The following GPC6 variants were observed in gnomAD, a reference collection of about 807,000 sequenced individuals.
The protein encoded by GPC6 is glypican 6, also known as glypican-6.
A neutral mutation model predicts 55.2 loss-of-function variants in GPC6; 14 were observed. The ratio of observed to expected loss-of-function variants is 0.25; its 90% CI spans 0.17 to 0.40. The LOEUF is 0.40. Ranked by LOEUF, GPC6 falls within the 10% of genes least tolerant of loss-of-function variation. The pLI, the probability that GPC6 is intolerant of heterozygous loss-of-function variation, is 1.00. For missense variants in GPC6, 641 were observed against 708.5 expected, an observed-to-expected ratio of 0.90 and a Z score of 1.08; for synonymous variants, 278 against 259.6, an observed-to-expected ratio of 1.07 and a Z score of -0.68.
At chr13:93,417,017 C>T (rs1434235971) in intron 1 of GPC6, among the ~76,000 whole-genome samples, 1 of 152,084 alleles carries the variant, frequency 6.6e-6, no homozygotes, top group Non-Finnish European at 1.5e-5. Context: ...GGATTTGAAT[C>T]CTGGTGAGAA....
intron 4 of GPC6, among the ~76,000 whole-genome samples, chr13:94,264,963 A>G (rs929412495): frequency 6.6e-6 from 1 of 152,156 alleles, no homozygotes; most frequent in Non-Finnish European, 1.5e-5. Context: ...TCACTATCAC[A>G]AGAACGGTAT....
At chr13:93,786,741 A>T (rs568478933) in intron 2 of GPC6, among the ~76,000 whole-genome samples, 4 of 147,872 alleles carry the variant, frequency 2.7e-5, no homozygotes, top group Admixed American at 2.0e-4. Flanking sequence ...CTAAGCACCT[A>T]GAGTATATTT....
At chr13:93,708,929 G>A (rs1439100384) in intron 2 of GPC6, among the ~76,000 whole-genome samples, 1 of 151,692 alleles carries the variant, frequency 6.6e-6, no homozygotes, top group Admixed American at 6.6e-5. Context: ...TAAGCAAATT[G>A]CCCAAGCCAC....
chr13:94,016,646 A>T (rs923006918), intron 3 of GPC6, among the ~76,000 whole-genome samples: 1 of 152,216 alleles, frequency 6.6e-6, no homozygotes, highest in African/African-American at 2.4e-5. Flanking sequence ...CGGTGAATCT[A>T]TAAATTGCTT....
At chr13:94,045,366 A>C (rs143743866) in intron 4 of GPC6, among the ~76,000 whole-genome samples, 1 of 152,078 alleles carries the variant, frequency 6.6e-6, no homozygotes, top group Non-Finnish European at 1.5e-5. Flanking sequence ...ACGTTTATAT[A>C]ATTTAGTTTC....
At chr13:94,208,377 G>A (rs1487923869) in intron 4 of GPC6, among the ~76,000 whole-genome samples, 1 of 152,080 alleles carries the variant, frequency 6.6e-6, no homozygotes, top group African/African-American at 2.4e-5. Flanking sequence ...GTATCAGTAA[G>A]CACTCCATAA....
chr13:93,218,077 T>A, the GPC6 span, among the ~76,000 whole-genome samples: 30 of 150,422 alleles, frequency 2.0e-4, no homozygotes, highest in African/African-American at 7.1e-4. Flanking sequence ...TGGAAACAGA[T>A]CATTAGTACA....
chr13:93,670,968 T>G (rs1347297637), intron 2 of GPC6, among the ~76,000 whole-genome samples: 1 of 152,218 alleles, frequency 6.6e-6, no homozygotes, highest in Admixed American at 6.5e-5. Context: ...CTGCCTTGGC[T>G]TCTTCCTTTT....
chr13:93,462,000 A>G (rs376592247), intron 1 of GPC6, among the ~76,000 whole-genome samples: 2 of 152,118 alleles, frequency 1.3e-5, no homozygotes, highest in East Asian at 1.9e-4. Flanking sequence ...ATCTCATCCA[A>G]CCCACAAGCC....
At chr13:94,281,579 T>C (rs1453993453) in intron 4 of GPC6, among the ~76,000 whole-genome samples, 1 of 152,222 alleles carries the variant, frequency 6.6e-6, no homozygotes, top group Non-Finnish European at 1.5e-5. Context: ...TATAATCATA[T>C]TGAGTCACAC....
At position 93,242,760 on chromosome 13, in the gene GPC6, A is replaced by G. The variant is rs974476674; in HGVS notation, c.160+15144A>G. ...GCCTGCACTCTGTTTCTTTTGTCCC[A>G]CAGAGTGCTCCCTTGGTATGATGCA... On this transcript the variant is annotated intron_variant, in intron 1 of 8. Transcript: ENST00000377047. 6.6e-5 allele frequency among the ~76,000 whole-genome samples: 10 copies of G among 152,118 alleles called. No individual in the cohort carries two copies. In the South Asian group the frequency reaches 2.1e-3, roughly 32 times the overall value.
intron 1 of GPC6, among the ~76,000 whole-genome samples, chr13:93,322,378 G>A (rs562057588): frequency 6.7e-5 from 10 of 149,828 alleles, no homozygotes; most frequent in African/African-American, 1.7e-4. Flanking sequence ...AAGTGAGAAC[G>A]TGTGGTATTC....
At chr13:93,272,441 G>A (rs916333027) in intron 1 of GPC6, among the ~76,000 whole-genome samples, 1 of 148,708 alleles carries the variant, frequency 6.7e-6, no homozygotes, top group African/African-American at 2.5e-5. Flanking sequence ...AAAATTTTAA[G>A]CACTGAAATT....
intron 1 of GPC6, among the ~76,000 whole-genome samples, chr13:93,387,675 A>G (rs1875460323): frequency 6.6e-6 from 1 of 152,240 alleles, no homozygotes; most frequent in Non-Finnish European, 1.5e-5. Context: ...GACATTCAGT[A>G]AGAGAACATA....
chr13:94,257,158 A>G (rs1226442521), intron 4 of GPC6, among the ~76,000 whole-genome samples: 1 of 152,186 alleles, frequency 6.6e-6, no homozygotes, highest in Non-Finnish European at 1.5e-5. Context: ...CAGCTCCAGT[A>G]TCACCCTGGC....
At chr13:93,945,558 G>C (rs1347815457) in intron 3 of GPC6, among the ~76,000 whole-genome samples, 1 of 152,148 alleles carries the variant, frequency 6.6e-6, no homozygotes, top group Non-Finnish European at 1.5e-5. Context: ...GGCTTTCCCT[G>C]GTTCCTCCTG....
chr13:93,676,023 C>A (rs1230593975), intron 2 of GPC6, among the ~76,000 whole-genome samples: 2 of 149,542 alleles, frequency 1.3e-5, no homozygotes, highest in Non-Finnish European at 2.9e-5. Flanking sequence ...GTAATCACAG[C>A]ACTTTGGGAG....
intron 1 of GPC6, among the ~76,000 whole-genome samples, chr13:93,501,218 A>G (rs1481854083): frequency 1.3e-5 from 2 of 152,070 alleles, no homozygotes; most frequent in Non-Finnish European, 2.9e-5. Context: ...GTCATAGAGG[A>G]CATTTTCTAA....
At chr13:93,669,473 C>T (rs78437252) in intron 2 of GPC6, among the ~76,000 whole-genome samples, 7,292 of 152,188 alleles carry the variant, frequency 0.048, 360 homozygotes, top group East Asian at 0.28. Context: ...CTTGTCAATT[C>T]GCTTGGTACC....
Sources: gnomAD v4.1 joint callset for allele counts (sites outside exome capture counted in the v4.1 genomes callset) on GRCh38, gnomAD v4.1.1 for gene constraint, MANE v1.5 for transcripts, NCBI Gene and HGNC (gene_info 2026-07-23, HGNC 2026-07-21) for gene names.